GREB1: variants seen among roughly 807,000 people sequenced by gnomAD.
The protein encoded by GREB1 is growth regulating estrogen receptor binding 1, also known as protein GREB1.
A neutral mutation model predicts 200.7 loss-of-function variants in GREB1; 106 were observed. That is an observed-to-expected ratio of 0.53 (90% confidence interval 0.45 to 0.62). The LOEUF (loss-of-function observed/expected upper bound fraction) is 0.62. GREB1 is among the 20% of genes least tolerant of loss of function. GREB1 has a pLI of 0.00. For missense variants in GREB1, 2,243 were observed against 2,556.8 expected (o/e 0.88, Z 2.65); for synonymous variants, 1,132 against 1,092.4 (o/e 1.04, Z -0.72).
In GREB1 at chr2:11,592,892, C is replaced by T. The variant is rs769332717; in HGVS notation, c.1462C>T (p.Pro488Ser). The change falls in exon 11 of 33, where the codon CCC (proline) becomes TCC (serine). Residue 488 changes from proline to serine, a missense_variant. By Grantham distance (74) the Pro-to-Ser change is moderately conservative. Around this residue, in one of 3 missense-constraint regions of GREB1, gnomAD observed 1,178 missense variants for 1,387.4 expected, o/e 0.85. Coordinates refer to ENST00000381486, the MANE Select transcript of GREB1 (RefSeq NM_014668.4). ...YQQAPPQPFP[P>S]APSAAAPVTS... Reference sequence around the variant, plus strand: ...GCAGGCGCCGCCGCAGCCCTTCCCGCCCGCGCCCAGCGCCGCGGCACCCGT... The same window carrying T: ...GCAGGCGCCGCCGCAGCCCTTCCCGTCCGCGCCCAGCGCCGCGGCACCCGT... The T allele has an allele frequency of 4.8e-5, 77 of 1,598,074 alleles. 1 individual carries two copies. The highest frequency in any genetic ancestry group is 6.4e-5 in the Non-Finnish European group (75 of 1,173,064).
chr2:11,543,054 G>A (rs998183225), intron 1 of GREB1, among the ~76,000 whole-genome samples: 1 of 152,116 alleles, frequency 6.6e-6, no homozygotes, highest in Admixed American at 6.5e-5. Context: ...TCTCTTTTTA[G>A]GGGTTGTTTT....
chr2:11,638,866 A>T, intron 32 of GREB1, 57 bp downstream of exon 32: 2 of 1,568,672 alleles, frequency 1.3e-6, no homozygotes, highest in Non-Finnish European at 1.7e-6. Context: ...GTCACCGGGT[A>T]CCCTGAGGAG....
At chr2:11,619,246 G>A (rs954033095) in intron 22 of GREB1, among the ~76,000 whole-genome samples, 1 of 152,158 alleles carries the variant, frequency 6.6e-6, no homozygotes, top group African/African-American at 2.4e-5. Flanking sequence ...CAAAACTCTG[G>A]GTTCTCCACT....
At chr2:11,541,423 C>T (rs532457811) in intron 1 of GREB1, among the ~76,000 whole-genome samples, 69 of 150,130 alleles carry the variant, frequency 4.6e-4, no homozygotes, top group African/African-American at 1.6e-3. Context: ...TGGGCATCCG[C>T]GAGTGAGTGG....
At position 11,610,878 on chromosome 2, in the gene GREB1, C is replaced by T. The variant is rs1480723688; in HGVS notation, c.2857C>T (p.Arg953Trp). The T allele has an allele frequency of 3.1e-6, 5 of 1,613,108 alleles. No homozygotes were observed. The highest frequency in any genetic ancestry group is 4.2e-6 in the Non-Finnish European group (5 of 1,179,872). ...PCGHGLMVLL[R>W]VPCSPLAVVA... ...CGGCCACGGGCTCATGGTCCTGCTG[C>T]GGGTGCCCTGTTCGCCCCTGGCGGT... Residue 953 changes from arginine to tryptophan, a missense_variant, in exon 18 of 33, where the codon CGG becomes TGG. This residue lies in a region of GREB1 where 1,178 missense variants were observed against 1,387.4 expected (regional missense o/e 0.85). Coordinates refer to ENST00000381486, the MANE Select transcript of GREB1 (RefSeq NM_014668.4).
rs896499584 is a variant in GREB1, at chr2:11,597,478, C to T, written c.1955-303C>T. Among the ~76,000 whole-genome samples, 1 of 152,124 alleles carries T rather than the reference C, an allele frequency of 6.6e-6. No homozygotes were observed. Among genetic ancestry groups the T allele is most frequent in the African/African-American group, 2.4e-5 (1 of 41,402 alleles). On this transcript the variant is annotated intron_variant, in intron 13 of 32. Coordinates refer to ENST00000381486, the MANE Select transcript of GREB1 (RefSeq NM_014668.4). This position sits in a 1 kb window ranked among gnomAD's most constrained non-coding sequence, Gnocchi z 4.1. The stretch of plus-strand genomic sequence containing the variant: ...GAGTCCAGTCTCAGCATCACCTCCC[C>T]TGGGATAGGCTCCTTGTCCCCTCTA...
chr2:11,537,662 A>T (rs1674354045), intron 1 of GREB1, among the ~76,000 whole-genome samples: 1 of 146,402 alleles, frequency 6.8e-6, no homozygotes, highest in African/African-American at 2.5e-5. Context: ...ATATAAAAAT[A>T]TAAAAATATT....
intron 2 of GREB1, among the ~76,000 whole-genome samples, chr2:11,560,334 G>A (rs922609602): frequency 2.6e-5 from 4 of 152,132 alleles, no homozygotes; most frequent in African/African-American, 7.2e-5. Flanking sequence ...ATGGATGGAC[G>A]GTGTTAGAGC....
rs371784133 is a variant in GREB1 at position 11,600,930 on chromosome 2, C to A, written c.2464C>A (p.Leu822Met). Reference sequence around the variant, plus strand: ...TCACGTGACCTCCTTCCCGTATGCACTGCAGACACAGCACACCCTCATCAG... The same window carrying A: ...TCACGTGACCTCCTTCCCGTATGCAATGCAGACACAGCACACCCTCATCAG... ...TLHVTSFPYA[L>M]QTQHTLISPY... The change falls in exon 16 of 33, where the codon CTG becomes ATG. Residue 822 changes from leucine (L) to methionine (M), a missense_variant. Physicochemically the swap from Leu to Met is conservative, Grantham distance 15 (BLOSUM62 2). Coordinates refer to ENST00000381486, the MANE Select transcript of GREB1 (RefSeq NM_014668.4). 31 of 1,614,070 alleles carry A rather than the reference C, an allele frequency of 1.9e-5. No homozygotes were observed. Among genetic ancestry groups the A allele is most frequent in the Non-Finnish European group, 2.5e-5 (29 of 1,180,030 alleles).
chr2:11,607,660 C>G (rs1432476924), intron 17 of GREB1, among the ~76,000 whole-genome samples: 4 of 102,546 alleles, frequency 3.9e-5, no homozygotes, highest in Non-Finnish European at 8.0e-5. Context: ...TAGAAAAGCA[C>G]AGTTTTATGA....
Position 11,588,834 on chromosome 2 carries a change from T to A in GREB1, c.1248T>A (p.Ser416=). The A allele has an allele frequency of 6.2e-7, 1 of 1,614,154 alleles. No individual in the cohort carries two copies. Among genetic ancestry groups the A allele is most frequent in the Non-Finnish European group, 8.5e-7 (1 of 1,179,978 alleles). The change falls in exon 10 of 33, where the codon TCT becomes TCA. Residue 416 remains serine, a synonymous_variant. Coordinates refer to ENST00000381486, the MANE Select transcript of GREB1 (RefSeq NM_014668.4). The stretch of plus-strand genomic sequence containing the variant: ...ACACGTGCTACCAGAATTCCCAGTC[T>A]GTCTCACGGGCATACGAGCAGTACG... The part of the protein sequence containing the change: ...LLYTCYQNSQ[S]VSRAYEQYGA...
chr2:11,501,895 GTTTTTTTTTGT>G lies in GREB1; in HGVS notation c.-159+19524_-159+19534del, dbSNP rs1394742618. ...TTACTTATTAGAGCCTGGATTTCCTGTTTTTTTTTGTTTTTTTTTTTTTTTTTTTTTTTTTT... is the reference window on the plus strand; with the variant it reads ...TTACTTATTAGAGCCTGGATTTCCTGTTTTTTTTTTTTTTTTTTTTTTTTT... On this transcript the variant is annotated intron_variant, in intron 1 of 2. Coordinates refer to the GREB1 transcript ENST00000628795. Among the ~76,000 whole-genome samples, 289 of 45,464 alleles carry G rather than the reference GTTTTTTTTTGT, an allele frequency of 6.4e-3. 43 individuals are homozygous for G. Among genetic ancestry groups the G allele is most frequent in the African/African-American group, 0.025 (282 of 11,150 alleles). The allele number at this position is 45,464 out of a possible 152,430, so 29.8% of individuals were successfully genotyped here.
In GREB1 at chr2:11,598,006, G is replaced by A. The variant is rs563670137; in HGVS notation, c.2152+28G>A. ...ATGGGGCATTTTGGGGAGAAGTCAC[G>A]TGTGGAGAAGCTTTGATCTGCCGAA... On this transcript the variant is annotated intron_variant, in intron 14 of 32. Transcript: ENST00000381486. 122 of 1,549,078 alleles carry A rather than the reference G, an allele frequency of 7.9e-5. 1 individual carries two copies. The South Asian group carries it at 7.9e-4, about 10-fold the overall frequency.
chr2:11,547,040 G>A (rs1675347591), intron 1 of GREB1, among the ~76,000 whole-genome samples: 1 of 151,202 alleles, frequency 6.6e-6, no homozygotes, highest in South Asian at 2.1e-4. Context: ...TGCCTCCTGG[G>A]CTCAAGTGAT....
At chr2:11,591,621 T>C (rs1680741560) in intron 10 of GREB1, 2 of 598,276 alleles carry the variant, frequency 3.3e-6, no homozygotes, top group Admixed American at 6.0e-5. Context: ...CGTGGTAAAC[T>C]GACGCATTCA....
At chr2:11,556,205 C>T (rs73915418) in intron 1 of GREB1, 5,805 of 153,518 alleles carry the variant, frequency 0.038, 230 homozygotes, top group African/African-American at 0.092. Flanking sequence ...TTTGGTGGAT[C>T]GCTCATTTGC....
intron 22 of GREB1, among the ~76,000 whole-genome samples, chr2:11,619,192 A>G (rs965630624): frequency 2.0e-5 from 3 of 152,168 alleles, no homozygotes; most frequent in African/African-American, 7.2e-5. Flanking sequence ...CTCAATCCAC[A>G]TCATCTCACT....
intron 1 of GREB1, among the ~76,000 whole-genome samples, chr2:11,523,485 A>G (rs1030834809): frequency 1.3e-4 from 20 of 152,180 alleles, no homozygotes; most frequent in Non-Finnish European, 2.2e-4. Context: ...GCCATGGTAG[A>G]TGGTCCATAA....
At chr2:11,632,315 TTTTC>T (rs1278509843) in intron 27 of GREB1, among the ~76,000 whole-genome samples, 3 of 151,904 alleles carry the variant, frequency 2.0e-5, no homozygotes, top group Admixed American at 6.6e-5. Flanking sequence ...TTAATCGATA[TTTTC>T]TTTCTTTCTT....
Sources: allele counts gnomAD v4.1 joint callset (sites outside exome capture counted in the v4.1 genomes callset), GRCh38; gene constraint gnomAD v4.1.1; regional missense constraint gnomAD v4.1.1; non-coding constraint Gnocchi (gnomAD v3.1); transcripts MANE v1.5; gene names NCBI Gene and HGNC (gene_info 2026-07-23, HGNC 2026-07-21).